PCDHGA5: variants seen among roughly 807,000 people sequenced by gnomAD.
The protein encoded by PCDHGA5 is protocadherin gamma subfamily A, 5.
In PCDHGA5, 36 loss-of-function variants were observed where a neutral mutation model predicts 56.7. The ratio of observed to expected loss-of-function variants is 0.64; its 90% CI spans 0.49 to 0.84. The LOEUF (loss-of-function observed/expected upper bound fraction) is 0.84. PCDHGA5 is among the 40% of genes least tolerant of loss of function. The pLI is 0.00. For missense variants in PCDHGA5, 1,305 were observed against 1,201.5 expected (o/e 1.09, Z -1.27); for synonymous variants, 563 against 520.2 (o/e 1.08, Z -1.12).
chr5:141,449,718 G>A (rs2098653155), intron 1 of PCDHGA5, among the ~76,000 whole-genome samples: 2 of 150,760 alleles, frequency 1.3e-5, no homozygotes, highest in Admixed American at 6.6e-5. Flanking sequence ...ATTTTTATAT[G>A]ATATGATTTT....
intron 1 of PCDHGA5, among the ~76,000 whole-genome samples, chr5:141,481,193 A>G (rs749746998): frequency 1.3e-5 from 2 of 152,216 alleles, no homozygotes; most frequent in Admixed American, 6.5e-5. Context: ...GCCAGGCCCA[A>G]TTTTTTTAAA....
intron 1 of PCDHGA5, among the ~76,000 whole-genome samples, chr5:141,481,676 G>A (rs975849679): frequency 3.3e-5 from 5 of 152,028 alleles, no homozygotes; most frequent in Admixed American, 1.3e-4. Flanking sequence ...AAATCAGGCC[G>A]GGCCTGGTGG....
chr5:141,446,275 A>G (rs1229842331), intron 1 of PCDHGA5, among the ~76,000 whole-genome samples: 1 of 152,156 alleles, frequency 6.6e-6, no homozygotes, highest in African/African-American at 2.4e-5. Flanking sequence ...GAATAAATAC[A>G]ATGGATAAAT....
At position 141,486,135 on chromosome 5, in the gene PCDHGA5, G is replaced by A. The variant is rs145871538; in HGVS notation, c.2422-8672G>A. ...GAGAATTACTATGAATTTGATGTGC[G>A]GGCTCGCGATGGGGGTTCTCCAGCC... On this transcript the variant is annotated intron_variant, in intron 1 of 3. Transcript: ENST00000518069. This position sits in a 1 kb window ranked among gnomAD's most constrained non-coding sequence, Gnocchi z 5.0. The A allele has an allele frequency of 1.9e-6, 3 of 1,614,168 alleles. No homozygotes were observed. Among genetic ancestry groups the A allele is most frequent in the Non-Finnish European group, 2.5e-6 (3 of 1,180,022 alleles).
chr5:141,447,885 A>T (rs2098554278), intron 1 of PCDHGA5, among the ~76,000 whole-genome samples: 1 of 152,134 alleles, frequency 6.6e-6, no homozygotes, highest in Admixed American at 6.6e-5. Context: ...CAGGAGTTCG[A>T]GACCAGCCTG....
chr5:141,510,994 G>A lies in PCDHGA5; in HGVS notation c.2617G>A (p.Gly873Arg). ...CCTGGGAGGGGGTGCCGGCACCATG[G>A]GATTGAGCGCCCGCTACGGACCCCA... ...STLGGGAGTM[G>R]LSARYGPQFT... The change falls in exon 4 of 4, where the codon GGA becomes AGA. Residue 873 changes from glycine to arginine, a missense_variant. Physicochemically the swap from Gly to Arg is moderately radical, Grantham distance 125 (BLOSUM62 -2). Transcript: ENST00000518069. 1 of 1,614,168 alleles carries A rather than the reference G, an allele frequency of 6.2e-7. No homozygotes were observed. Among genetic ancestry groups the A allele is most frequent in the Non-Finnish European group, 8.5e-7 (1 of 1,180,022 alleles).
intron 1 of PCDHGA5, chr5:141,375,193 A>G: frequency 6.2e-7 from 1 of 1,613,982 alleles, no homozygotes; most frequent in Non-Finnish European, 8.5e-7. Context: ...CCCTTTTTCA[A>G]GTGTTCGATC....
intron 1 of PCDHGA5, among the ~76,000 whole-genome samples, chr5:141,436,781 A>T (rs1041532929): frequency 6.6e-6 from 1 of 152,236 alleles, no homozygotes; most frequent in Non-Finnish European, 1.5e-5. Context: ...TGTGGATGGA[A>T]ATAAAACTGT....
chr5:141,480,946 G>A (rs1415705408), intron 1 of PCDHGA5, among the ~76,000 whole-genome samples: 1 of 152,172 alleles, frequency 6.6e-6, no homozygotes, highest in Non-Finnish European at 1.5e-5. Context: ...TCTAGAGGCT[G>A]AGGCGGAAGC....
At chr5:141,495,149 G>A (rs1448841303) in intron 2 of PCDHGA5, among the ~76,000 whole-genome samples, 1 of 152,170 alleles carries the variant, frequency 6.6e-6, no homozygotes, top group Non-Finnish European at 1.5e-5. Context: ...CCAAAGGATG[G>A]TCTTAAGCTG....
In PCDHGA5 at chr5:141,364,914, T is replaced by A. The variant is rs745343647; in HGVS notation, c.584T>A (p.Val195Glu). Reference protein sequence around the residue: ...GTDGQKYPELVLEQPLDREKE... With the variant: ...GTDGQKYPELELEQPLDREKE... Reference sequence around the variant, plus strand: ...GATGGACAAAAGTATCCGGAGCTGGTGTTGGAACAGCCCCTAGACCGCGAG... The same window carrying A: ...GATGGACAAAAGTATCCGGAGCTGGAGTTGGAACAGCCCCTAGACCGCGAG... The change falls in exon 1 of 4, where the codon GTG becomes GAG. Residue 195 changes from valine to glutamate, a missense_variant. Transcript: ENST00000518069. 6.2e-7 allele frequency: 1 copy of A among 1,613,936 alleles called. No individual in the cohort carries two copies. The highest frequency in any genetic ancestry group is 8.5e-7 in the Non-Finnish European group (1 of 1,179,892).
chr5:141,485,938 A>G lies in PCDHGA5; in HGVS notation c.2422-8869A>G. The stretch of plus-strand genomic sequence containing the variant: ...ACAGGATTAGTGTGTTGGAGAGCGC[A>G]CCAGCGGGCATGGTGCTCATCCAGC... On this transcript the variant is annotated intron_variant, in intron 1 of 3. Transcript: ENST00000518069. The surrounding 1 kb of genome is among the most constrained non-coding windows in gnomAD (Gnocchi z 5.7). 6.2e-7 allele frequency: 1 copy of G among 1,614,162 alleles called. No individual in the cohort carries two copies. The highest frequency in any genetic ancestry group is 1.3e-5 in the African/African-American group (1 of 75,028).
chr5:141,484,591 T>C (rs2099597977), intron 1 of PCDHGA5, among the ~76,000 whole-genome samples: 1 of 152,020 alleles, frequency 6.6e-6, no homozygotes, highest in African/African-American at 2.4e-5. Flanking sequence ...AAGCTACTCA[T>C]TTAGAATACT....
intron 1 of PCDHGA5, chr5:141,417,692 C>T (rs2096147964): frequency 1.8e-6 from 2 of 1,089,118 alleles, no homozygotes; most frequent in Non-Finnish European, 2.5e-6. Flanking sequence ...AAAAGAAAAC[C>T]AGCTCCCACA....
At chr5:141,376,226 A>G in intron 1 of PCDHGA5, 2 of 1,614,202 alleles carry the variant, frequency 1.2e-6, no homozygotes, top group Non-Finnish European at 1.7e-6. Flanking sequence ...GCTGGCGCTC[A>G]GACTGCAGCG....
chr5:141,477,427 C>T lies in PCDHGA5; in HGVS notation c.2422-17380C>T. On this transcript the variant is annotated intron_variant, in intron 1 of 3. Coordinates refer to ENST00000518069, the MANE Select transcript of PCDHGA5 (RefSeq NM_018918.3). The surrounding 1 kb of genome is among the most constrained non-coding windows in gnomAD (Gnocchi z 4.9). ...CCCGAGACGCCGGAACCCCTTCCCT[C>T]TCAGCCCTTACAATAGTGCGTGTTC... The T allele has an allele frequency of 6.2e-7, 1 of 1,614,220 alleles. No homozygotes were observed. The highest frequency in any genetic ancestry group is 8.5e-7 in the Non-Finnish European group (1 of 1,180,046).
intron 1 of PCDHGA5, among the ~76,000 whole-genome samples, chr5:141,407,687 G>A (rs866314437): frequency 1.3e-5 from 2 of 152,126 alleles, no homozygotes; most frequent in African/African-American, 2.4e-5. Context: ...TGGCTTTGTG[G>A]TGATCATTGT....
intron 2 of PCDHGA5, among the ~76,000 whole-genome samples, chr5:141,501,200 G>A (rs888856586): frequency 1.3e-5 from 2 of 151,854 alleles, no homozygotes; most frequent in African/African-American, 4.8e-5. Context: ...AATTCAGGGT[G>A]TTGTCAGGGT....
chr5:141,404,787 G>A (rs1561696267), intron 1 of PCDHGA5: 23 of 1,613,988 alleles, frequency 1.4e-5, no homozygotes, highest in Non-Finnish European at 1.9e-5. Context: ...TTCAAGGCCA[G>A]TGAGCCAGGG....
Sources: allele counts gnomAD v4.1 joint callset (sites outside exome capture counted in the v4.1 genomes callset), GRCh38; gene constraint gnomAD v4.1.1; non-coding constraint Gnocchi (gnomAD v3.1); transcripts MANE v1.5; gene names NCBI Gene and HGNC (gene_info 2026-07-23, HGNC 2026-07-21).